Variants in SOX5 observed in about 807,000 individuals in gnomAD.
The protein encoded by SOX5 is SRY-box transcription factor 5.
SOX5 carries 9 observed loss-of-function variants against 92.0 expected under a neutral mutation model. The ratio of observed to expected loss-of-function variants is 0.10; its 90% confidence interval spans 0.06 to 0.17. The LOEUF is 0.17. Among genes scored for constraint, SOX5 ranks in the 10% least tolerant of loss-of-function variants. The probability of loss-of-function intolerance (pLI) is 1.00; values close to 1 mark genes in which losing one functional copy is unlikely to be tolerated. For synonymous variants in SOX5, 344 were observed against 336.3 expected (o/e 1.02, Z -0.25); for missense variants, 642 against 944.5 (o/e 0.68, Z 4.20).
chr12:23,758,921 T>C (rs1221037709), intron 3 of SOX5, among the ~76,000 whole-genome samples: 2 of 151,810 alleles, frequency 1.3e-5, no homozygotes, highest in Non-Finnish European at 2.9e-5. Flanking sequence ...CACCTTGAGG[T>C]TGGACTTCTC....
chr12:23,763,708 G>A (rs1160580812), intron 3 of SOX5, among the ~76,000 whole-genome samples: 1 of 151,480 alleles, frequency 6.6e-6, no homozygotes, highest in Admixed American at 6.6e-5. Flanking sequence ...GGTTCTATTA[G>A]GTCCTCAACA....
chr12:24,274,154 C>T (rs779594080), intron 3 of SOX5, among the ~76,000 whole-genome samples: 4 of 152,028 alleles, frequency 2.6e-5, no homozygotes, highest in African/African-American at 4.8e-5. Flanking sequence ...CTTAATTTTG[C>T]CATTCAACTA....
intron 3 of SOX5, among the ~76,000 whole-genome samples, chr12:23,793,904 C>T (rs535699544): frequency 1.3e-5 from 2 of 152,292 alleles, no homozygotes; most frequent in Non-Finnish European, 2.9e-5. Flanking sequence ...CACCTAGGTA[C>T]TAGCAATTTA....
intron 3 of SOX5, among the ~76,000 whole-genome samples, chr12:24,258,553 A>C (rs1941604533): frequency 6.6e-6 from 1 of 152,218 alleles, no homozygotes; most frequent in Non-Finnish European, 1.5e-5. Context: ...TATTTGTTAG[A>C]AATCACTCCT....
chr12:24,405,699 G>A (rs1962776981), intron 1 of SOX5, among the ~76,000 whole-genome samples: 1 of 152,170 alleles, frequency 6.6e-6, no homozygotes, highest in African/African-American at 2.4e-5. Context: ...TCCCTAATGG[G>A]AGCAGAATGA....
chr12:24,308,896 A>C (rs1489714175), intron 2 of SOX5, among the ~76,000 whole-genome samples: 2 of 152,132 alleles, frequency 1.3e-5, no homozygotes, highest in Non-Finnish European at 2.9e-5. Context: ...CTATGGCTCT[A>C]CAGAGACACA....
intron 1 of SOX5, among the ~76,000 whole-genome samples, chr12:24,394,626 T>C (rs1003232566): frequency 3.9e-5 from 6 of 152,210 alleles, no homozygotes; most frequent in African/African-American, 1.4e-4. Flanking sequence ...GCAATTAATA[T>C]TTGTACAAAT....
intron 2 of SOX5, among the ~76,000 whole-genome samples, chr12:24,283,490 C>T (rs909219597): frequency 1.3e-5 from 2 of 152,176 alleles, no homozygotes; most frequent in Non-Finnish European, 2.9e-5. Context: ...GGAGGCCATT[C>T]AGAAAATATG....
At chr12:24,082,505 G>A (rs1281780482) in intron 4 of SOX5, among the ~76,000 whole-genome samples, 1 of 141,972 alleles carries the variant, frequency 7.0e-6, no homozygotes, top group African/African-American at 2.5e-5. Flanking sequence ...TAGTAAAGTT[G>A]TTACAATTAA....
chr12:23,822,071 C>G (rs1161418850), intron 3 of SOX5, among the ~76,000 whole-genome samples: 1 of 152,078 alleles, frequency 6.6e-6, no homozygotes, highest in Non-Finnish European at 1.5e-5. Context: ...TTTCAAAAAA[C>G]CAGCTCCTAG....
At chr12:24,181,224 C>T (rs1371102635) in intron 4 of SOX5, among the ~76,000 whole-genome samples, 1 of 152,136 alleles carries the variant, frequency 6.6e-6, no homozygotes, top group Non-Finnish European at 1.5e-5. Context: ...ACTTTTTGAC[C>T]TGGCTCCCCA....
intron 1 of SOX5, among the ~76,000 whole-genome samples, chr12:24,479,725 G>T (rs1470373886): frequency 6.6e-6 from 1 of 152,058 alleles, no homozygotes; most frequent in Admixed American, 6.6e-5. Flanking sequence ...GAATGCAGTG[G>T]CACAATCTCA....
At chr12:24,097,324 T>C (rs1434008029) in intron 4 of SOX5, among the ~76,000 whole-genome samples, 2 of 152,188 alleles carry the variant, frequency 1.3e-5, no homozygotes, top group East Asian at 3.8e-4. Flanking sequence ...GTGGGTTATG[T>C]TTATACTCTT....
At chr12:24,345,041 T>G (rs754214881) in intron 2 of SOX5, among the ~76,000 whole-genome samples, 3 of 152,206 alleles carry the variant, frequency 2.0e-5, no homozygotes, top group Non-Finnish European at 2.9e-5. Context: ...TCCCTTTAAA[T>G]GCACTGTCAT....
At chr12:24,365,358 C>A (rs545099245) in intron 2 of SOX5, among the ~76,000 whole-genome samples, 2 of 152,176 alleles carry the variant, frequency 1.3e-5, no homozygotes, top group South Asian at 4.2e-4. Flanking sequence ...AAAGCATAAT[C>A]ATGACTTCCA....
intron 7 of SOX5, among the ~76,000 whole-genome samples, chr12:23,644,781 A>C: frequency 6.6e-6 from 1 of 152,212 alleles, no homozygotes; most frequent in Non-Finnish European, 1.5e-5. Flanking sequence ...TAGGACATTT[A>C]GATATTTAAA....
intron 4 of SOX5, among the ~76,000 whole-genome samples, chr12:24,019,581 A>C (rs147394726): frequency 6.6e-6 from 1 of 152,320 alleles, no homozygotes; most frequent in East Asian, 1.9e-4. Context: ...TTCACACTGC[A>C]TCTTGGTATA....
chr12:24,068,773 T>C (rs572677599), intron 4 of SOX5, among the ~76,000 whole-genome samples: 6 of 134,998 alleles, frequency 4.4e-5, no homozygotes, highest in African/African-American at 1.4e-4. Flanking sequence ...AGTTCCTAGT[T>C]TATATCCAAG....
intron 4 of SOX5, among the ~76,000 whole-genome samples, chr12:24,075,377 C>T: frequency 6.7e-6 from 1 of 148,400 alleles, no homozygotes; most frequent in Non-Finnish European, 1.5e-5. Context: ...AATGAAAACT[C>T]AATATTATAT....
Sources: allele counts gnomAD v4.1 joint callset (sites outside exome capture counted in the v4.1 genomes callset), GRCh38; gene constraint gnomAD v4.1.1; transcripts MANE v1.5; gene names NCBI Gene and HGNC (gene_info 2026-07-23, HGNC 2026-07-21).